The following NCOA2 variants were observed in gnomAD, a reference collection of about 807,000 sequenced individuals.
The protein encoded by NCOA2 is nuclear receptor coactivator 2, also known as class E basic helix-loop-helix protein 75.
Under a neutral mutation model 145.1 loss-of-function variants are expected in NCOA2, and 21 were observed. That is an observed-to-expected ratio of 0.14 (90% CI 0.10 to 0.21). The LOEUF is 0.21. NCOA2 is among the 10% of genes least tolerant of loss of function. NCOA2 has a pLI of 1.00. For missense variants in NCOA2, 1,472 were observed against 1,837.6 expected (o/e 0.80, Z 3.64); for synonymous variants, 619 against 637.5 (o/e 0.97, Z 0.44).
At chr8:70,266,736 A>G (rs1296592903) in intron 2 of NCOA2, among the ~76,000 whole-genome samples, 3 of 152,224 alleles carry the variant, frequency 2.0e-5, no homozygotes, top group Non-Finnish European at 4.4e-5. Flanking sequence ...ATTTAGACTC[A>G]TTCATTCAAT....
At chr8:70,389,731 C>G (rs1296604727) in intron 1 of NCOA2, among the ~76,000 whole-genome samples, 1 of 152,062 alleles carries the variant, frequency 6.6e-6, no homozygotes, top group Non-Finnish European at 1.5e-5. Context: ...TGCAATGGTG[C>G]AATCTCAGCT....
At chr8:70,325,240 T>G (rs1186798926) in intron 1 of NCOA2, among the ~76,000 whole-genome samples, 1 of 152,214 alleles carries the variant, frequency 6.6e-6, no homozygotes, top group African/African-American at 2.4e-5. Context: ...TAGGCATTCC[T>G]TGGTCAAAAG....
At chr8:70,364,031 T>A (rs1393885877) in intron 1 of NCOA2, among the ~76,000 whole-genome samples, 20 of 146,826 alleles carry the variant, frequency 1.4e-4, no homozygotes, top group African/African-American at 4.3e-4. Context: ...AACCCACAAA[T>A]AAAGACTCAA....
At chr8:70,171,900 T>G (rs1814300480) in intron 5 of NCOA2, among the ~76,000 whole-genome samples, 1 of 152,216 alleles carries the variant, frequency 6.6e-6, no homozygotes, top group African/African-American at 2.4e-5. Context: ...CATGGCTCAC[T>G]GCAGCCTTCA....
At chr8:70,366,845 T>C (rs972069682) in intron 1 of NCOA2, among the ~76,000 whole-genome samples, 5 of 152,126 alleles carry the variant, frequency 3.3e-5, no homozygotes, top group Non-Finnish European at 7.4e-5. Flanking sequence ...AGAACTCCAG[T>C]AGCCACAATT....
intron 2 of NCOA2, among the ~76,000 whole-genome samples, chr8:70,236,507 TC>T (rs1352853211): frequency 6.6e-6 from 1 of 152,084 alleles, no homozygotes; most frequent in Non-Finnish European, 1.5e-5. Context: ...ATATATCTTG[TC>T]CTTTTGGGTA....
intron 1 of NCOA2, among the ~76,000 whole-genome samples, chr8:70,304,635 TTTTTG>T (rs1200264975): frequency 5.3e-5 from 8 of 151,696 alleles, no homozygotes; most frequent in Non-Finnish European, 1.0e-4. Context: ...CCGGCTAATT[TTTTTG>T]TTTTTTTGTT....
At chr8:70,132,394 A>G (rs961432337) in intron 15 of NCOA2, among the ~76,000 whole-genome samples, 4 of 152,188 alleles carry the variant, frequency 2.6e-5, no homozygotes, top group Admixed American at 2.6e-4. Flanking sequence ...CTTTAGTAGG[A>G]ATCACGGATT....
chr8:70,310,666 G>A (rs1805039836), intron 1 of NCOA2, among the ~76,000 whole-genome samples: 1 of 152,052 alleles, frequency 6.6e-6, no homozygotes, highest in African/African-American at 2.4e-5. Flanking sequence ...GGCCTAAAAT[G>A]GGCAAAGCAA....
Position 70,128,522 on chromosome 8 carries a change from C to T in NCOA2, c.3604-12G>A, listed in dbSNP as rs1808712379. The stretch of plus-strand genomic sequence containing the variant: ...AGTGGCTGGCGATTCTAAATACATA[C>T]AAACAGGATGAATACATTTTAAGAA... On this transcript the variant is annotated splice_polypyrimidine_tract_variant and intron_variant, in intron 17 of 22. Transcript: ENST00000452400. 4 of 1,609,710 alleles carry T rather than the reference C, an allele frequency of 2.5e-6. No homozygotes were observed. Among genetic ancestry groups the T allele is most frequent in the South Asian group, 2.2e-5 (2 of 90,466 alleles).
At chr8:70,331,198 G>A (rs971625522) in intron 1 of NCOA2, among the ~76,000 whole-genome samples, 2 of 152,090 alleles carry the variant, frequency 1.3e-5, no homozygotes, top group Admixed American at 1.3e-4. Flanking sequence ...ATGATCAGGA[G>A]TAAAACTGTC....
At chr8:70,195,583 A>G (rs1188335419) in intron 4 of NCOA2, among the ~76,000 whole-genome samples, 1 of 152,190 alleles carries the variant, frequency 6.6e-6, no homozygotes, top group Non-Finnish European at 1.5e-5. Context: ...AATTATTTTT[A>G]TGTCATTCAT....
At chr8:70,437,762 A>C in the NCOA2 span, among the ~76,000 whole-genome samples, 1 of 152,222 alleles carries the variant, frequency 6.6e-6, no homozygotes, top group Non-Finnish European at 1.5e-5. Flanking sequence ...ATGAATGTAC[A>C]GCAAAAAATA....
chr8:70,146,440 A>C (rs1393617885), intron 12 of NCOA2, among the ~76,000 whole-genome samples: 1 of 152,234 alleles, frequency 6.6e-6, no homozygotes, highest in Non-Finnish European at 1.5e-5. Context: ...TTCCTGAATT[A>C]TATAAACATA....
At chr8:70,192,025 G>C (rs1208363738) in intron 4 of NCOA2, among the ~76,000 whole-genome samples, 5 of 152,156 alleles carry the variant, frequency 3.3e-5, no homozygotes, top group African/African-American at 1.2e-4. Context: ...CTGGGCGAGA[G>C]AGTGAGAATC....
Position 70,293,292 on chromosome 8 carries a change from A to G in NCOA2, c.-20+3452T>C, listed in dbSNP as rs567829516. 2.9e-4 allele frequency among the ~76,000 whole-genome samples: 44 copies of G among 152,330 alleles called. 1 individual carries two copies. The South Asian group carries it at 8.9e-3, about 31-fold the overall frequency. On this transcript the variant is annotated intron_variant, in intron 2 of 22. Transcript: ENST00000452400. ...ATACATATACATCCAGTTAAATCAG[A>G]TATCTAATCACAAATCTTCTCACAT...
chr8:70,228,563 G>A (rs1477058296), intron 2 of NCOA2, among the ~76,000 whole-genome samples: 1 of 152,002 alleles, frequency 6.6e-6, no homozygotes, highest in Non-Finnish European at 1.5e-5. Flanking sequence ...GTCTACAGTA[G>A]GCATTAAAAA....
intron 14 of NCOA2, among the ~76,000 whole-genome samples, chr8:70,140,338 T>C (rs1018567055): frequency 5.9e-5 from 9 of 152,210 alleles, no homozygotes; most frequent in Admixed American, 3.9e-4. Flanking sequence ...GATTTGCTCA[T>C]TCTGGACATT....
intron 10 of NCOA2, among the ~76,000 whole-genome samples, chr8:70,159,234 A>ATT (rs1812638544): frequency 3.9e-5 from 3 of 77,410 alleles, no homozygotes; most frequent in Admixed American, 1.4e-4. Context: ...ATATATATAT[A>ATT]TATATATATT....
Sources: allele counts gnomAD v4.1 joint callset (sites outside exome capture counted in the v4.1 genomes callset), GRCh38; gene constraint gnomAD v4.1.1; transcripts MANE v1.5; gene names NCBI Gene and HGNC (gene_info 2026-07-23, HGNC 2026-07-21).